The following CAMTA1 variants were observed in gnomAD, a reference collection of about 807,000 sequenced individuals.
CAMTA1 encodes the protein calmodulin binding transcription activator 1.
A neutral mutation model predicts 170.9 loss-of-function variants in CAMTA1; 27 were observed. That is an observed-to-expected ratio of 0.16 (90% CI 0.12 to 0.22). CAMTA1 has a LOEUF of 0.22. Among genes scored for constraint, CAMTA1 ranks in the 10% least tolerant of loss-of-function variants. The probability of loss-of-function intolerance (pLI) is 1.00; values close to 1 mark genes in which losing one functional copy is unlikely to be tolerated. For synonymous variants in CAMTA1, 833 were observed against 891.5 expected (o/e 0.93, Z 1.17); for missense variants, 1,619 against 2,217.2 (o/e 0.73, Z 5.42).
At chr1:7,549,534 A>T (rs2094770408) in intron 6 of CAMTA1, among the ~76,000 whole-genome samples, 1 of 152,172 alleles carries the variant, frequency 6.6e-6, no homozygotes, top group Non-Finnish European at 1.5e-5. Context: ...TGGGGCATTC[A>T]GAAAGTCTAC....
intron 6 of CAMTA1, among the ~76,000 whole-genome samples, chr1:7,530,890 C>T (rs2094485294): frequency 6.8e-6 from 1 of 146,488 alleles, no homozygotes; most frequent in African/African-American, 2.5e-5. Flanking sequence ...TCTCAGCTCA[C>T]TGCAACCTCT....
intron 3 of CAMTA1, among the ~76,000 whole-genome samples, chr1:6,967,215 T>A (rs1691714272): frequency 6.6e-6 from 1 of 151,970 alleles, no homozygotes; most frequent in South Asian, 2.1e-4. Flanking sequence ...CACTCCAGCC[T>A]GGGTGACAGA....
intron 6 of CAMTA1, among the ~76,000 whole-genome samples, chr1:7,595,335 G>C (rs1212112538): frequency 6.6e-6 from 1 of 152,196 alleles, no homozygotes; most frequent in African/African-American, 2.4e-5. Context: ...CAGAGACTCC[G>C]AGGCAAGGCA....
chr1:7,151,437 G>C (rs941714229), intron 4 of CAMTA1, among the ~76,000 whole-genome samples: 1 of 152,172 alleles, frequency 6.6e-6, no homozygotes, highest in Non-Finnish European at 1.5e-5. Context: ...CTGTGTCTGG[G>C]GTTCCCCTGG....
chr1:7,271,893 A>G (rs1669864466), intron 5 of CAMTA1, among the ~76,000 whole-genome samples: 1 of 152,182 alleles, frequency 6.6e-6, no homozygotes. Flanking sequence ...GAAAGATGAA[A>G]TGACTGCAGT....
chr1:7,270,234 C>CAT lies in CAMTA1; in HGVS notation c.438+20614_438+20615dup, dbSNP rs200909775. On this transcript the variant is annotated intron_variant, in intron 5 of 22. Coordinates refer to ENST00000303635, the MANE Select transcript of CAMTA1 (RefSeq NM_015215.4). ...ATATACATATATACATATATATACA[C>CAT]ATATATACATACACACACACACACA... Among the ~76,000 whole-genome samples the CAT allele has an allele frequency of 1.1e-4, 9 of 80,748 alleles. No individual in the cohort carries two copies. The South Asian group carries it at 2.9e-3, about 26-fold the overall frequency. The allele number at this position is 80,748 out of a possible 152,430, so 53.0% of individuals were successfully genotyped here. A position where few individuals can be genotyped will look rare whatever the true frequency, so the allele number is the denominator to read the frequency against.
In CAMTA1 at chr1:6,872,708, G is replaced by A. The variant is rs900627219; in HGVS notation, c.234+47498G>A. Reference sequence around the variant, plus strand: ...ATCTAAAGCAAAACAAACCAAAACCGAAAGACAGAAACCAAACTTGAGTCA... The same window carrying A: ...ATCTAAAGCAAAACAAACCAAAACCAAAAGACAGAAACCAAACTTGAGTCA... On this transcript the variant is annotated intron_variant, in intron 3 of 22. Coordinates refer to ENST00000303635, the MANE Select transcript of CAMTA1 (RefSeq NM_015215.4). Among the ~76,000 whole-genome samples, 9 of 151,890 alleles carry A rather than the reference G, an allele frequency of 5.9e-5. 1 individual carries two copies. In the South Asian group the frequency reaches 8.3e-4, roughly 14 times the overall value.
chr1:7,376,266 C>A (rs2086837009), intron 5 of CAMTA1, among the ~76,000 whole-genome samples: 1 of 152,254 alleles, frequency 6.6e-6, no homozygotes, highest in South Asian at 2.1e-4. Context: ...CTGGGCATAA[C>A]TGGCCAGCAC....
At chr1:7,467,348 C>A (rs370064428) in intron 5 of CAMTA1, among the ~76,000 whole-genome samples, 9 of 152,214 alleles carry the variant, frequency 5.9e-5, no homozygotes, top group South Asian at 4.1e-4. Flanking sequence ...CCCTGTCCCC[C>A]CTGGTTGGGC....
At chr1:7,367,118 G>A (rs2086032495) in intron 5 of CAMTA1, among the ~76,000 whole-genome samples, 1 of 152,198 alleles carries the variant, frequency 6.6e-6, no homozygotes, top group Non-Finnish European at 1.5e-5. Flanking sequence ...CCTCCATTAT[G>A]AGAAAGAGAC....
intron 5 of CAMTA1, among the ~76,000 whole-genome samples, chr1:7,302,084 A>C (rs1222385876): frequency 6.6e-6 from 1 of 150,424 alleles, no homozygotes; most frequent in Non-Finnish European, 1.5e-5. Context: ...ACTTTTGGAA[A>C]GGCAGGGGGA....
At chr1:7,759,691 T>C (rs576441568) in intron 22 of CAMTA1, among the ~76,000 whole-genome samples, 1 of 152,318 alleles carries the variant, frequency 6.6e-6, no homozygotes, top group African/African-American at 2.4e-5. Context: ...ATACTTTCAT[T>C]TGGATTTTGA....
chr1:7,592,575 C>T lies in CAMTA1; in HGVS notation c.511-47825C>T, dbSNP rs894772010. ...GCAGGGACTCTTAGGGACACAGGGC[C>T]GTGGGAAAGACCTGCTGTCCTGCAA... On this transcript the variant is annotated intron_variant, in intron 6 of 22. Transcript: ENST00000303635. This position sits in a 1 kb window ranked among gnomAD's most constrained non-coding sequence, Gnocchi z 4.6. Among the ~76,000 whole-genome samples the T allele has an allele frequency of 3.9e-5, 6 of 152,268 alleles. No homozygotes were observed. Among genetic ancestry groups the T allele is most frequent in the African/African-American group, 9.6e-5 (4 of 41,550 alleles).
At chr1:7,264,984 G>A (rs377462175) in intron 5 of CAMTA1, among the ~76,000 whole-genome samples, 1 of 152,182 alleles carries the variant, frequency 6.6e-6, no homozygotes, top group South Asian at 2.1e-4. Flanking sequence ...AGTAGCAGTC[G>A]CGGCTTCCTT....
intron 3 of CAMTA1, among the ~76,000 whole-genome samples, chr1:7,049,923 G>T (rs1171276600): frequency 6.6e-6 from 1 of 152,236 alleles, no homozygotes; most frequent in African/African-American, 2.4e-5. Context: ...TCTGGTGGGA[G>T]GAGGGCATCG....
intron 3 of CAMTA1, among the ~76,000 whole-genome samples, chr1:6,937,203 T>G (rs889131648): frequency 7.1e-5 from 10 of 141,834 alleles, no homozygotes; most frequent in Non-Finnish European, 1.1e-4. Flanking sequence ...TAATCATCAC[T>G]TATCACCATC....
intron 5 of CAMTA1, among the ~76,000 whole-genome samples, chr1:7,450,081 G>C (rs902048813): frequency 2.0e-5 from 3 of 152,140 alleles, no homozygotes; most frequent in African/African-American, 7.2e-5. Flanking sequence ...GCCCAGCAGG[G>C]ATGCGGCCCC....
intron 3 of CAMTA1, among the ~76,000 whole-genome samples, chr1:7,080,654 C>A (rs1288893377): frequency 6.6e-6 from 1 of 152,118 alleles, no homozygotes; most frequent in Non-Finnish European, 1.5e-5. Flanking sequence ...CCTGCCTCAG[C>A]CTCCCAAATA....
intron 4 of CAMTA1, among the ~76,000 whole-genome samples, chr1:7,099,438 G>A (rs1642463288): frequency 1.3e-5 from 2 of 152,184 alleles, no homozygotes. Context: ...AAAGATAGCA[G>A]CCTCTGCAGT....
Sources: allele counts gnomAD v4.1 joint callset (sites outside exome capture counted in the v4.1 genomes callset), GRCh38; gene constraint gnomAD v4.1.1; non-coding constraint Gnocchi (gnomAD v3.1); transcripts MANE v1.5; gene names NCBI Gene and HGNC (gene_info 2026-07-23, HGNC 2026-07-21).